MAGI2: variants seen among roughly 807,000 people sequenced by gnomAD.
The protein encoded by MAGI2 is membrane associated guanylate kinase, WW and PDZ domain containing 2.
Under a neutral mutation model 133.3 loss-of-function variants are expected in MAGI2, and 35 were observed. The ratio of observed to expected loss-of-function variants is 0.26; its 90% CI spans 0.20 to 0.35. MAGI2 has a LOEUF of 0.35. MAGI2 is among the 10% of genes least tolerant of loss of function. The pLI, the probability that MAGI2 is intolerant of heterozygous loss-of-function variation, is 1.00. For missense variants in MAGI2, 1,636 were observed against 1,863.4 expected, an observed-to-expected ratio of 0.88 and a Z score of 2.25; for synonymous variants, 729 against 710.6, an observed-to-expected ratio of 1.03 and a Z score of -0.41.
chr7:78,871,738 A>C (rs1281028139), intron 2 of MAGI2, among the ~76,000 whole-genome samples: 1 of 152,134 alleles, frequency 6.6e-6, no homozygotes, highest in East Asian at 1.9e-4. Flanking sequence ...GATGGAAAAA[A>C]AAGAGTTACC....
At chr7:79,081,060 T>C (rs1208270169) in intron 1 of MAGI2, among the ~76,000 whole-genome samples, 1 of 152,062 alleles carries the variant, frequency 6.6e-6, no homozygotes, top group Non-Finnish European at 1.5e-5. Flanking sequence ...GCCGCACAGA[T>C]ATGACCCTGC....
rs1460766313 is a variant in MAGI2, at chr7:79,161,584, G to A, written c.302-154378C>T. 2.0e-5 allele frequency among the ~76,000 whole-genome samples: 3 copies of A among 152,124 alleles called. No homozygotes were observed. In the South Asian group the frequency reaches 6.2e-4, roughly 32 times the overall value. On this transcript the variant is annotated intron_variant, in intron 1 of 21. Coordinates refer to ENST00000354212, the MANE Select transcript of MAGI2 (RefSeq NM_012301.4). The stretch of plus-strand genomic sequence containing the variant: ...TGATAAGCAGAAAGCCTCTTTCCTA[G>A]AACTAATTATGAGGAGCTGCCAAAT...
At chr7:78,261,671 C>T (rs1037378020) in intron 9 of MAGI2, among the ~76,000 whole-genome samples, 5 of 151,844 alleles carry the variant, frequency 3.3e-5, no homozygotes, top group Admixed American at 2.0e-4. Context: ...TCCAGATTTT[C>T]GATAAAAGAA....
At chr7:79,292,467 A>T (rs566436002) in intron 1 of MAGI2, among the ~76,000 whole-genome samples, 75 of 151,618 alleles carry the variant, frequency 4.9e-4, no homozygotes, top group Admixed American at 1.4e-3. Flanking sequence ...ACCAAAAAAA[A>T]TAAAAAAATA....
At chr7:78,941,775 C>CA (rs1554613249) in intron 2 of MAGI2, among the ~76,000 whole-genome samples, 1 of 146,780 alleles carries the variant, frequency 6.8e-6, no homozygotes, top group Non-Finnish European at 1.5e-5. Context: ...CACACACACA[C>CA]TTCTCTTTAC....
At chr7:78,737,911 C>T (rs918472081) in intron 2 of MAGI2, among the ~76,000 whole-genome samples, 12 of 152,116 alleles carry the variant, frequency 7.9e-5, no homozygotes, top group Admixed American at 7.9e-4. Context: ...GAATGGCTAT[C>T]ACTTAGTGGT....
intron 21 of MAGI2, among the ~76,000 whole-genome samples, chr7:78,032,319 A>G (rs1397963558): frequency 1.3e-5 from 2 of 152,032 alleles, no homozygotes; most frequent in Non-Finnish European, 2.9e-5. Context: ...GGTTCAAGCA[A>G]TCCTCCTGCC....
At chr7:78,260,552 C>A (rs1793419519) in intron 9 of MAGI2, among the ~76,000 whole-genome samples, 1 of 152,092 alleles carries the variant, frequency 6.6e-6, no homozygotes, top group South Asian at 2.1e-4. Flanking sequence ...ATAATTTTAT[C>A]AAATTTTTTC....
chr7:79,069,777 G>GA (rs1366878079), intron 1 of MAGI2, among the ~76,000 whole-genome samples: 12 of 152,240 alleles, frequency 7.9e-5, no homozygotes, highest in African/African-American at 2.9e-4. Flanking sequence ...GCTTCCTTCA[G>GA]GAGCTCTTGA....
intron 2 of MAGI2, among the ~76,000 whole-genome samples, chr7:78,818,106 A>T (rs1789770007): frequency 6.6e-6 from 1 of 152,298 alleles, no homozygotes; most frequent in Non-Finnish European, 1.5e-5. Flanking sequence ...AAATCTGCAT[A>T]GTTTTTATTT....
intron 2 of MAGI2, among the ~76,000 whole-genome samples, chr7:78,655,728 T>A (rs1812169755): frequency 6.6e-6 from 1 of 152,046 alleles, no homozygotes; most frequent in South Asian, 2.1e-4. Flanking sequence ...ACGCCTGTAA[T>A]CCCAGCACTT....
intron 1 of MAGI2, among the ~76,000 whole-genome samples, chr7:79,428,780 G>A (rs1267308152): frequency 1.2e-4 from 19 of 152,128 alleles, no homozygotes; most frequent in African/African-American, 4.3e-4. Context: ...ATGACAAATC[G>A]CCTGAGTTAA....
chr7:78,153,898 G>T (rs1212075296), intron 16 of MAGI2, among the ~76,000 whole-genome samples: 2 of 152,248 alleles, frequency 1.3e-5, no homozygotes, highest in African/African-American at 2.4e-5. Flanking sequence ...ACAAGCTGGA[G>T]TGAGCCTTGG....
chr7:78,865,894 A>G (rs1156513395), intron 2 of MAGI2, among the ~76,000 whole-genome samples: 1 of 152,210 alleles, frequency 6.6e-6, no homozygotes, highest in Non-Finnish European at 1.5e-5. Context: ...ATATAGGAGC[A>G]GTATACACTG....
At chr7:78,281,181 C>T (rs1023896344) in intron 9 of MAGI2, among the ~76,000 whole-genome samples, 3 of 152,068 alleles carry the variant, frequency 2.0e-5, no homozygotes, top group Non-Finnish European at 4.4e-5. Flanking sequence ...ATAATCTATA[C>T]ATTTAATAGG....
intron 10 of MAGI2, chr7:78,254,454 G>T (rs1330165814): frequency 1.3e-5 from 2 of 152,184 alleles, no homozygotes; most frequent in South Asian, 2.1e-4. Flanking sequence ...AGCAATGCAA[G>T]AAATTAAAAT....
intron 2 of MAGI2, among the ~76,000 whole-genome samples, chr7:78,820,308 T>C (rs1429702525): frequency 2.6e-5 from 4 of 151,836 alleles, no homozygotes; most frequent in African/African-American, 4.8e-5. Flanking sequence ...AAATATATAA[T>C]TATAATCATA....
intron 2 of MAGI2, among the ~76,000 whole-genome samples, chr7:78,627,487 A>T (rs1808495657): frequency 6.6e-6 from 1 of 152,204 alleles, no homozygotes. Context: ...ATGGCTGCGT[A>T]TATTTTTCAG....
chr7:78,946,425 A>G (rs1040084199), intron 2 of MAGI2, among the ~76,000 whole-genome samples: 11 of 152,230 alleles, frequency 7.2e-5, no homozygotes, highest in Non-Finnish European at 1.3e-4. Context: ...CAAAGAAGAA[A>G]TGAATAATTG....
Sources: allele counts gnomAD v4.1 joint callset (sites outside exome capture counted in the v4.1 genomes callset), GRCh38; gene constraint gnomAD v4.1.1; transcripts MANE v1.5; gene names NCBI Gene and HGNC (gene_info 2026-07-23, HGNC 2026-07-21).